RBM45: variants seen among roughly 807,000 people sequenced by gnomAD.
The protein encoded by RBM45 is RNA-binding protein 45.
RBM45 carries 39 observed loss-of-function variants against 58.5 expected under a neutral mutation model. That is an observed-to-expected ratio of 0.67 (90% CI 0.52 to 0.87). RBM45 has a LOEUF of 0.87. Ranked by LOEUF, RBM45 falls within the 40% of genes least tolerant of loss-of-function variation. The pLI is 0.00. For synonymous variants in RBM45, 193 were observed against 203.0 expected, an observed-to-expected ratio of 0.95 and a Z score of 0.42; for missense variants, 481 against 581.6, an observed-to-expected ratio of 0.83 and a Z score of 1.78.
intron 5 of RBM45, among the ~76,000 whole-genome samples, chr2:178,122,403 C>A (rs1234836947): frequency 2.0e-5 from 3 of 152,038 alleles, no homozygotes; most frequent in Non-Finnish European, 4.4e-5. Flanking sequence ...TAAGGTAACT[C>A]CACCCTTCAT....
rs773959801 is a variant in RBM45 at position 178,126,064 on chromosome 2, C to A, written c.1313C>A (p.Ala438Asp). ...GYAKYADRIS[A>D]NDAIATLHGK... ...GCCAAGTATGCCGATAGAATAAGTG[C>A]TAATGATGCCATTGCCACTCTACAT... Residue 438 changes from alanine to aspartate, a missense_variant, in exon 9 of 10, where the codon GCT becomes GAT. Transcript: ENST00000286070. 3.7e-6 allele frequency: 6 copies of A among 1,612,912 alleles called. No individual in the cohort carries two copies.
At chr2:178,137,052 G>A (rs2088050938) in exon 4 of RBM45, 1 of 152,136 alleles carries the variant, frequency 6.6e-6, no homozygotes, top group African/African-American at 2.4e-5. Flanking sequence ...GCAGGGGACA[G>A]GAGTAGTGGA....
intron 5 of RBM45, among the ~76,000 whole-genome samples, chr2:178,121,564 T>C (rs1399563677): frequency 4.6e-5 from 7 of 152,076 alleles, no homozygotes; most frequent in East Asian, 1.9e-4. Context: ...GATACCTTAA[T>C]AAACAAAGCC....
chr2:178,127,030 G>T (rs549254231), intron 9 of RBM45, among the ~76,000 whole-genome samples: 12 of 152,118 alleles, frequency 7.9e-5, no homozygotes, highest in Non-Finnish European at 1.5e-5. Context: ...TCCACCTCCT[G>T]GATACAAGTG....
At chr2:178,112,908 A>C (rs1309508530) in intron 1 of RBM45, 62 bp downstream of exon 1, 4 of 1,518,786 alleles carry the variant, frequency 2.6e-6, no homozygotes, top group African/African-American at 2.7e-5. Flanking sequence ...ACCTCCCTTC[A>C]CCTGCTGCTC....
chr2:178,123,660 C>A lies in RBM45; in HGVS notation c.983+9C>A. The A allele has an allele frequency of 6.3e-7, 1 of 1,599,664 alleles. No individual in the cohort carries two copies. Among genetic ancestry groups the A allele is most frequent in the South Asian group, 1.1e-5 (1 of 87,488 alleles). On this transcript the variant is annotated intron_variant, in intron 6 of 9. Coordinates refer to ENST00000286070, the MANE Select transcript of RBM45 (RefSeq NM_152945.4). ...GGAAGTAATGCAACAGAGTAAGTAC[C>A]ATTCCAGGAGTGTCTAAAGCCGAGC...
At chr2:178,133,139 A>G (rs2088018525), downstream of RBM45, among the ~76,000 whole-genome samples, 1 of 152,206 alleles carries the variant, frequency 6.6e-6, no homozygotes, top group Non-Finnish European at 1.5e-5. Flanking sequence ...GGCATTTTTT[A>G]GAATTAAGCA....
intron 5 of RBM45, among the ~76,000 whole-genome samples, chr2:178,123,099 A>G (rs763750431): frequency 6.6e-6 from 1 of 152,104 alleles, no homozygotes; most frequent in Admixed American, 6.6e-5. Context: ...GATAGCCGGG[A>G]TGAGTATATA....
At chr2:178,131,714 C>G (rs1294089333), downstream of RBM45, among the ~76,000 whole-genome samples, 1 of 152,158 alleles carries the variant, frequency 6.6e-6, no homozygotes, top group African/African-American at 2.4e-5. Flanking sequence ...GTTTTGTTTT[C>G]TTTCCCAATT....
At chr2:178,127,407 G>A (rs2087947484) in intron 9 of RBM45, among the ~76,000 whole-genome samples, 1 of 152,098 alleles carries the variant, frequency 6.6e-6, no homozygotes, top group South Asian at 2.1e-4. Flanking sequence ...TTTTCTTTCT[G>A]ACCAATTGTG....
chr2:178,136,957 A>G (rs1358596095), exon 4 of RBM45: 2 of 152,238 alleles, frequency 1.3e-5, no homozygotes, highest in African/African-American at 4.8e-5. Flanking sequence ...TTGAACAAGC[A>G]CTTCACAAAA....
chr2:178,114,981 A>T (rs141881658), intron 1 of RBM45, among the ~76,000 whole-genome samples: 1 of 152,226 alleles, frequency 6.6e-6, no homozygotes, highest in African/African-American at 2.4e-5. Context: ...ATTCAGCTTC[A>T]ATATTTCTAT....
At chr2:178,128,083 G>A (rs2087957767) in intron 9 of RBM45, among the ~76,000 whole-genome samples, 1 of 131,280 alleles carries the variant, frequency 7.6e-6, no homozygotes, top group African/African-American at 2.9e-5. Flanking sequence ...TCAGCTTACT[G>A]CAGCCTCTGC....
chr2:178,114,844 G>A (rs190120256), intron 1 of RBM45, among the ~76,000 whole-genome samples: 118 of 152,116 alleles, frequency 7.8e-4, no homozygotes, highest in African/African-American at 2.5e-3. Context: ...TGAGCCTCCC[G>A]TTTCATCCTC....
At chr2:178,128,657 C>G (rs1383104170) in intron 9 of RBM45, among the ~76,000 whole-genome samples, 1 of 152,016 alleles carries the variant, frequency 6.6e-6, no homozygotes, top group Non-Finnish European at 1.5e-5. Context: ...TGAACTGTTA[C>G]GCATATTCAG....
At chr2:178,124,017 G>A (rs2087892460) in intron 7 of RBM45, 105 bp downstream of exon 7, 3 of 1,492,880 alleles carry the variant, frequency 2.0e-6, no homozygotes, top group Non-Finnish European at 2.8e-6. Context: ...AATTTTCAGA[G>A]CTATTGTGGA....
chr2:178,132,518 T>C (rs1009031953), downstream of RBM45, among the ~76,000 whole-genome samples: 1 of 152,208 alleles, frequency 6.6e-6, no homozygotes, highest in Non-Finnish European at 1.5e-5. Context: ...AGCATTCCAA[T>C]CTTAATTTAA....
At chr2:178,126,375 TCA>T (rs2087929567) in intron 9 of RBM45, among the ~76,000 whole-genome samples, 191 bp downstream of exon 9, 1 of 152,340 alleles carries the variant, frequency 6.6e-6, no homozygotes, top group East Asian at 1.9e-4. Flanking sequence ...TAAAATAAAA[TCA>T]CATTTCAATT....
At chr2:178,135,323 G>A (rs1208103568) in intron 3 of RBM45, among the ~76,000 whole-genome samples, 1 of 152,226 alleles carries the variant, frequency 6.6e-6, no homozygotes, top group Non-Finnish European at 1.5e-5. Context: ...TACTAGGAAA[G>A]ATAGCACCTA....
Sources: gnomAD v4.1 joint callset for allele counts (sites outside exome capture counted in the v4.1 genomes callset) on GRCh38, gnomAD v4.1.1 for gene constraint, MANE v1.5 for transcripts, NCBI Gene and HGNC (gene_info 2026-07-23, HGNC 2026-07-21) for gene names.